The following EPHB1 variants were observed in gnomAD, a reference collection of about 807,000 sequenced individuals.
EPHB1 encodes the protein ephrin type-B receptor 1.
A neutral mutation model predicts 94.4 loss-of-function variants in EPHB1; 30 were observed. The observed-to-expected ratio is 0.32, with a 90% CI of 0.24 to 0.43. EPHB1 has a LOEUF of 0.43. Among genes scored for constraint, EPHB1 ranks in the 20% least tolerant of loss-of-function variants. EPHB1 has a pLI of 1.00. For synonymous variants in EPHB1, 522 were observed against 489.1 expected (o/e 1.07, Z -0.89); for missense variants, 1,055 against 1,308.3 (o/e 0.81, Z 2.99).
rs186851943 is a variant in EPHB1, at chr3:135,248,467, G to A, written c.2648G>A (p.Arg883Gln). ...GTCAACACCCTAGATAAGATGATCC[G>A]GAACCCGGCAAGTCTCAAGACTGTG... ...EIVNTLDKMI[R>Q]NPASLKTVAT... The change falls in exon 14 of 16, where the codon CGG becomes CAG. Residue 883 changes from arginine to glutamine, a missense_variant. Physicochemically the swap from Arg to Gln is conservative, Grantham distance 43. Coordinates refer to ENST00000398015, the MANE Select transcript of EPHB1 (RefSeq NM_004441.5). 29 of 1,612,598 alleles carry A rather than the reference G, an allele frequency of 1.8e-5. No homozygotes were observed. The highest frequency in any genetic ancestry group is 1.3e-4 in the African/African-American group (10 of 75,008).
At chr3:135,032,176 C>A (rs1285323367) in intron 3 of EPHB1, among the ~76,000 whole-genome samples, 1 of 151,404 alleles carries the variant, frequency 6.6e-6, no homozygotes, top group Non-Finnish European at 1.5e-5. Flanking sequence ...TAACTTCTAT[C>A]CATTTTACCA....
At chr3:135,248,244 A>C in intron 13 of EPHB1, 72 bp from the exon 14 acceptor site, 1 of 1,414,442 alleles carries the variant, frequency 7.1e-7, no homozygotes, top group Non-Finnish European at 9.5e-7. Context: ...GCTCCATATA[A>C]AGGGGATAAT....
At chr3:134,848,709 G>A (rs184618002) in intron 1 of EPHB1, among the ~76,000 whole-genome samples, 192 of 152,322 alleles carry the variant, frequency 1.3e-3, no homozygotes, top group African/African-American at 4.3e-3. Flanking sequence ...GTAGTTGGTA[G>A]GCAGTCTTCA....
intron 5 of EPHB1, among the ~76,000 whole-genome samples, chr3:135,147,476 AG>A (rs1470526634): frequency 1.3e-5 from 2 of 152,200 alleles, no homozygotes; most frequent in Non-Finnish European, 1.5e-5. Context: ...TCCTCGACTG[AG>A]GAGCATTTCT....
intron 1 of EPHB1, among the ~76,000 whole-genome samples, chr3:134,923,783 C>A (rs2038736150): frequency 6.6e-6 from 1 of 152,114 alleles, no homozygotes; most frequent in African/African-American, 2.4e-5. Context: ...TCATAGTGGG[C>A]CCAAGATTTT....
intron 1 of EPHB1, among the ~76,000 whole-genome samples, chr3:134,824,800 A>G (rs975206367): frequency 6.6e-6 from 1 of 152,150 alleles, no homozygotes; most frequent in Non-Finnish European, 1.5e-5. Flanking sequence ...GGGTACTTCA[A>G]TTGACAGCCC....
intron 3 of EPHB1, among the ~76,000 whole-genome samples, chr3:135,011,180 C>T (rs565973944): frequency 2.0e-5 from 3 of 152,328 alleles, no homozygotes; most frequent in African/African-American, 7.2e-5. Context: ...AATTCATGGA[C>T]ATTGCTTCAG....
At chr3:135,167,090 C>T (rs1368189182) in intron 9 of EPHB1, 84 bp downstream of exon 9, 3 of 1,508,338 alleles carry the variant, frequency 2.0e-6, no homozygotes, top group East Asian at 2.3e-5. Flanking sequence ...TCTTTATAGC[C>T]AGACTGGCTG....
At chr3:134,876,109 TG>T (rs1289213565) in intron 1 of EPHB1, among the ~76,000 whole-genome samples, 9 of 152,324 alleles carry the variant, frequency 5.9e-5, no homozygotes, top group African/African-American at 2.2e-4. Context: ...TCAGTCCCTG[TG>T]GGATAAGTGT....
intron 5 of EPHB1, among the ~76,000 whole-genome samples, chr3:135,133,705 C>A (rs1184183096): frequency 6.6e-6 from 1 of 152,238 alleles, no homozygotes; most frequent in African/African-American, 2.4e-5. Context: ...TGATAGCCAG[C>A]ACATCCTTGT....
chr3:135,004,054 C>T (rs568520662), intron 3 of EPHB1, among the ~76,000 whole-genome samples: 4 of 143,704 alleles, frequency 2.8e-5, no homozygotes, highest in Non-Finnish European at 3.1e-5. Context: ...TTCCTAGTCT[C>T]GATGGTCTTT....
intron 10 of EPHB1, among the ~76,000 whole-genome samples, chr3:135,181,020 T>C (rs1367500949): frequency 6.6e-6 from 1 of 152,194 alleles, no homozygotes; most frequent in Non-Finnish European, 1.5e-5. Context: ...CAATAAAATA[T>C]GTTTAGTCAA....
chr3:135,221,687 A>G (rs576512400), intron 12 of EPHB1, among the ~76,000 whole-genome samples: 1 of 152,224 alleles, frequency 6.6e-6, no homozygotes, highest in South Asian at 2.1e-4. Flanking sequence ...CAGTTACTAT[A>G]CCTCTCTGAG....
intron 1 of EPHB1, among the ~76,000 whole-genome samples, chr3:134,839,137 A>G (rs2108295960): frequency 6.6e-6 from 1 of 152,318 alleles, no homozygotes; most frequent in African/African-American, 2.4e-5. Flanking sequence ...TTACACATGC[A>G]GGGAAGTTAA....
chr3:135,249,083 A>C (rs1932945723), intron 14 of EPHB1, among the ~76,000 whole-genome samples: 1 of 152,206 alleles, frequency 6.6e-6, no homozygotes, highest in Non-Finnish European at 1.5e-5. Context: ...TTCAGACTGA[A>C]CGCTATGTCA....
intron 1 of EPHB1, among the ~76,000 whole-genome samples, chr3:134,822,908 T>C (rs890832695): frequency 6.6e-6 from 1 of 152,168 alleles, no homozygotes; most frequent in African/African-American, 2.4e-5. Flanking sequence ...TGTGGGTGAC[T>C]GGCAAGGCCT....
intron 12 of EPHB1, among the ~76,000 whole-genome samples, chr3:135,203,818 C>T (rs889018930): frequency 1.9e-4 from 29 of 152,056 alleles, no homozygotes; most frequent in African/African-American, 6.0e-4. Context: ...GCATCATTGC[C>T]GCCAAGATTA....
intron 3 of EPHB1, among the ~76,000 whole-genome samples, chr3:135,090,452 T>C (rs1938514417): frequency 6.6e-6 from 1 of 152,276 alleles, no homozygotes; most frequent in Non-Finnish European, 1.5e-5. Context: ...TCTTTTGGAA[T>C]GACTATAACC....
At chr3:134,899,208 C>T (rs1212720421) in intron 1 of EPHB1, among the ~76,000 whole-genome samples, 3 of 152,136 alleles carry the variant, frequency 2.0e-5, no homozygotes, top group African/African-American at 7.2e-5. Context: ...CCTTAGACCC[C>T]TGATGCATGA....
Sources: allele counts gnomAD v4.1 joint callset (sites outside exome capture counted in the v4.1 genomes callset), GRCh38; gene constraint gnomAD v4.1.1; transcripts MANE v1.5; gene names NCBI Gene and HGNC (gene_info 2026-07-23, HGNC 2026-07-21).